Variants in PARD3B observed in about 807,000 individuals in gnomAD.
The protein encoded by PARD3B is par-3 family cell polarity regulator beta, also known as partitioning defective 3 homolog B.
In PARD3B, 103 loss-of-function variants were observed where a neutral mutation model predicts 130.2. The observed-to-expected ratio is 0.79, with a 90% CI of 0.67 to 0.93. The LOEUF (loss-of-function observed/expected upper bound fraction) is 0.93, where lower values mean the gene tolerates loss of function less well. Among genes scored for constraint, PARD3B ranks in the 40% least tolerant of loss-of-function variants. PARD3B has a pLI of 0.00. For missense variants in PARD3B, 1,609 were observed against 1,499.2 expected, an observed-to-expected ratio of 1.07 and a Z score of -1.21; for synonymous variants, 583 against 553.2, an observed-to-expected ratio of 1.05 and a Z score of -0.76.
intron 20 of PARD3B, among the ~76,000 whole-genome samples, chr2:205,442,621 A>G (rs976405511): frequency 1.3e-5 from 2 of 152,088 alleles, no homozygotes; most frequent in Non-Finnish European, 2.9e-5. Flanking sequence ...TTCTTATTGC[A>G]GTCTTTTTAT....
At chr2:205,056,002 AG>A (rs1699607111) in intron 4 of PARD3B, among the ~76,000 whole-genome samples, 2 of 152,140 alleles carry the variant, frequency 1.3e-5, no homozygotes, top group South Asian at 4.1e-4. Context: ...GTGAAAGTTA[AG>A]GGTATGGGTT....
chr2:204,581,168 A>C (rs2032535184), intron 1 of PARD3B, among the ~76,000 whole-genome samples: 1 of 152,180 alleles, frequency 6.6e-6, no homozygotes, highest in Admixed American at 6.5e-5. Flanking sequence ...ATTAGGAGAC[A>C]GGTTTGGAGG....
intron 15 of PARD3B, among the ~76,000 whole-genome samples, chr2:205,207,693 C>G (rs912961579): frequency 3.6e-5 from 5 of 138,174 alleles, no homozygotes; most frequent in African/African-American, 1.5e-4. Context: ...CTGAATAGAC[C>G]AATAACAGGA....
intron 22 of PARD3B, among the ~76,000 whole-genome samples, chr2:205,567,659 A>G (rs2053406025): frequency 6.6e-6 from 1 of 151,864 alleles, no homozygotes; most frequent in Non-Finnish European, 1.5e-5. Flanking sequence ...GTAACAAGGA[A>G]TAGTGGACAT....
chr2:205,326,384 G>C (rs777399745), intron 18 of PARD3B, among the ~76,000 whole-genome samples: 1 of 152,084 alleles, frequency 6.6e-6, no homozygotes, highest in Non-Finnish European at 1.5e-5. Context: ...GAATTTTTTG[G>C]TGAACTTTTG....
At chr2:204,766,965 CT>C (rs68009060) in intron 2 of PARD3B, among the ~76,000 whole-genome samples, 6,968 of 114,448 alleles carry the variant, frequency 0.061, 220 homozygotes, top group Admixed American at 0.078. Flanking sequence ...TTTTCTTTTT[CT>C]TTTTTTTTTT....
rs181448822 is a variant in PARD3B at position 204,594,052 on chromosome 2, A to G, written c.120+47933A>G. ...GTTCCATCAACACTCGGTCCCTGAA[A>G]CAGAAGTCCAGAACTGAATAAATGA... On this transcript the variant is annotated intron_variant, in intron 1 of 22. Coordinates refer to ENST00000406610, the MANE Select transcript of PARD3B (RefSeq NM_001302769.2). Among the ~76,000 whole-genome samples, 479 of 152,320 alleles carry G rather than the reference A, an allele frequency of 3.1e-3. 5 individuals carry two copies. Among genetic ancestry groups the G allele is most frequent in the African/African-American group, 0.011 (451 of 41,582 alleles).
intron 2 of PARD3B, among the ~76,000 whole-genome samples, chr2:204,708,934 C>G (rs946962523): frequency 6.6e-6 from 1 of 151,972 alleles, no homozygotes; most frequent in Non-Finnish European, 1.5e-5. Flanking sequence ...AGATATTGTT[C>G]TCAGTATTTT....
At chr2:204,780,803 T>G (rs1418177358) in intron 2 of PARD3B, among the ~76,000 whole-genome samples, 2 of 152,070 alleles carry the variant, frequency 1.3e-5, no homozygotes, top group African/African-American at 4.8e-5. Flanking sequence ...AAGCCGTAGC[T>G]CTTTAAAGAT....
rs187860510 is a variant in PARD3B at position 205,293,191 on chromosome 2, G to A, written c.2186-7339G>A. 7.2e-5 allele frequency among the ~76,000 whole-genome samples: 11 copies of A among 152,170 alleles called. No individual in the cohort carries two copies. The East Asian group carries it at 2.1e-3, about 29-fold the overall frequency. On this transcript the variant is annotated intron_variant, in intron 16 of 22. Coordinates refer to ENST00000406610, the MANE Select transcript of PARD3B (RefSeq NM_001302769.2). ...AATATGTAAAGATACATTCATATAT[G>A]TACCCTCCAAGAAATCAATCAAACA... is the stretch of plus-strand genomic sequence containing the variant.
At chr2:205,178,462 A>G (rs983508265) in intron 13 of PARD3B, among the ~76,000 whole-genome samples, 75 of 152,324 alleles carry the variant, frequency 4.9e-4, no homozygotes, top group Non-Finnish European at 8.2e-4. Flanking sequence ...AAGAAAAAAA[A>G]GAAATTAAAA....
At chr2:205,369,756 G>T (rs1181515597) in intron 18 of PARD3B, among the ~76,000 whole-genome samples, 1 of 152,150 alleles carries the variant, frequency 6.6e-6, no homozygotes, top group Non-Finnish European at 1.5e-5. Context: ...TTTTCCAAGT[G>T]GGACAAGGAG....
chr2:205,603,388 C>T (rs534038358), intron 22 of PARD3B, among the ~76,000 whole-genome samples: 33 of 152,248 alleles, frequency 2.2e-4, no homozygotes, highest in African/African-American at 7.7e-4. Flanking sequence ...GATCCAAGTT[C>T]GAGTCCTGAA....
At chr2:205,225,662 A>T (rs2038505851) in intron 15 of PARD3B, among the ~76,000 whole-genome samples, 1 of 152,214 alleles carries the variant, frequency 6.6e-6, no homozygotes, top group Admixed American at 6.5e-5. Context: ...ACTTACAATC[A>T]TGGCAGAAGG....
chr2:205,297,357 C>T lies in PARD3B; in HGVS notation c.2186-3173C>T, dbSNP rs1048143272. 4.6e-5 allele frequency among the ~76,000 whole-genome samples: 7 copies of T among 152,172 alleles called. No individual in the cohort carries two copies. In the South Asian group the frequency reaches 6.2e-4, roughly 14 times the overall value. ...ATTTTAAAAGCTGTAAAATTTTCTA[C>T]GCACCATCAACCTAAACTGAAATTG... On this transcript the variant is annotated intron_variant, in intron 16 of 22. Coordinates refer to ENST00000406610, the MANE Select transcript of PARD3B (RefSeq NM_001302769.2).
At chr2:205,344,622 A>T (rs2043680783) in intron 18 of PARD3B, among the ~76,000 whole-genome samples, 1 of 152,160 alleles carries the variant, frequency 6.6e-6, no homozygotes. Context: ...CATACTCTTC[A>T]ATACCTCAGC....
At chr2:204,970,778 G>T (rs1377563644) in intron 3 of PARD3B, among the ~76,000 whole-genome samples, 1 of 152,200 alleles carries the variant, frequency 6.6e-6, no homozygotes, top group African/African-American at 2.4e-5. Flanking sequence ...CCATGCTTGT[G>T]ATCTAGATTA....
intron 4 of PARD3B, among the ~76,000 whole-genome samples, chr2:205,097,015 A>G (rs1702440147): frequency 6.6e-6 from 1 of 152,166 alleles, no homozygotes; most frequent in Non-Finnish European, 1.5e-5. Context: ...ACTAAGTCTT[A>G]GGAAACGGGG....
rs1421332143 is a variant in PARD3B at position 205,292,410 on chromosome 2, A to G, written c.2186-8120A>G. On this transcript the variant is annotated intron_variant, in intron 16 of 22. Transcript: ENST00000406610. The surrounding 1 kb of genome is among the most constrained non-coding windows in gnomAD (Gnocchi z 5.3). ...GAACTTCCCAGCCTCCAGAACTGCG[A>G]GAAAATTCCATTGTTGATAAGCCAC... Among the ~76,000 whole-genome samples the G allele has an allele frequency of 1.3e-5, 2 of 152,198 alleles. No individual in the cohort carries two copies. The highest frequency in any genetic ancestry group is 2.9e-5 in the Non-Finnish European group (2 of 68,032).
Sources: allele counts gnomAD v4.1 joint callset (sites outside exome capture counted in the v4.1 genomes callset), GRCh38; gene constraint gnomAD v4.1.1; non-coding constraint Gnocchi (gnomAD v3.1); transcripts MANE v1.5; gene names NCBI Gene and HGNC (gene_info 2026-07-23, HGNC 2026-07-21).